Variants in TNRC6C observed in about 807,000 individuals in gnomAD.
TNRC6C encodes trinucleotide repeat-containing gene 6C protein.
In TNRC6C, 20 loss-of-function variants were observed where a neutral mutation model predicts 153.7. The observed-to-expected ratio is 0.13, with a 90% CI of 0.09 to 0.19. The LOEUF is 0.19. Among genes scored for constraint, TNRC6C ranks in the 10% least tolerant of loss-of-function variants. The probability of loss-of-function intolerance (pLI) is 1.00; values close to 1 mark genes in which losing one functional copy is unlikely to be tolerated. For missense variants in TNRC6C, 1,987 were observed against 2,172.0 expected (o/e 0.91, Z 1.69); for synonymous variants, 811 against 841.4 (o/e 0.96, Z 0.63).
At chr17:78,045,000 C>T (rs2072377478) in intron 2 of TNRC6C, among the ~76,000 whole-genome samples, 1 of 152,156 alleles carries the variant, frequency 6.6e-6, no homozygotes, top group Non-Finnish European at 1.5e-5. Flanking sequence ...GAGGGCAGGA[C>T]ACAGATGGCA....
At chr17:78,032,815 T>G (rs2072102152) in intron 2 of TNRC6C, among the ~76,000 whole-genome samples, 1 of 152,246 alleles carries the variant, frequency 6.6e-6, no homozygotes, top group South Asian at 2.1e-4. Flanking sequence ...ACTGTGACTT[T>G]GTAGTATAGT....
intron 2 of TNRC6C, among the ~76,000 whole-genome samples, chr17:78,037,868 T>C (rs2072210625): frequency 6.6e-6 from 1 of 152,142 alleles, no homozygotes; most frequent in African/African-American, 2.4e-5. Context: ...GCCAAGAGAC[T>C]GAAAAAGCAT....
chr17:77,978,140 A>T (rs11871957), intron 1 of TNRC6C, among the ~76,000 whole-genome samples: 47,582 of 151,652 alleles, frequency 0.31, 7,634 homozygotes, highest in East Asian at 0.41. Context: ...CTTGTGATCC[A>T]CCCGCCTCAG....
At chr17:77,962,815 T>C (rs918017042) in intron 1 of TNRC6C, among the ~76,000 whole-genome samples, 4 of 152,266 alleles carry the variant, frequency 2.6e-5, no homozygotes, top group African/African-American at 9.6e-5. Flanking sequence ...TTTTGAAGTG[T>C]TGGTGACACA....
At chr17:77,988,458 C>T (rs2143045918) in intron 1 of TNRC6C, among the ~76,000 whole-genome samples, 1 of 152,280 alleles carries the variant, frequency 6.6e-6, no homozygotes, top group South Asian at 2.1e-4. Context: ...CTTCATCTGC[C>T]CATCTGTGAA....
At position 78,049,220 on chromosome 17, in the gene TNRC6C, G is replaced by T. The variant is rs940630394; in HGVS notation, c.158G>T (p.Gly53Val). ...AATGGAAGTGCGGCCAGAGTGTGGG[G>T]TGTAGCCACAGGCTCCAGCTCTGGC... The change falls in exon 3 of 20, where the codon GGT (glycine) becomes GTT (valine). Residue 53 changes from glycine (G) to valine (V), a missense_variant. By Grantham distance (109) the Gly-to-Val change is moderately radical (BLOSUM62 -3). Coordinates refer to ENST00000301624, the Ensembl canonical transcript of TNRC6C. The surrounding 1 kb of genome is among the most constrained non-coding windows in gnomAD (Gnocchi z 4.1). 6.2e-7 allele frequency: 1 copy of T among 1,612,670 alleles called. No homozygotes were observed. Among genetic ancestry groups the T allele is most frequent in the African/African-American group, 1.3e-5 (1 of 75,050 alleles).
At chr17:77,972,969 G>A (rs1234427263) in intron 1 of TNRC6C, among the ~76,000 whole-genome samples, 2 of 152,178 alleles carry the variant, frequency 1.3e-5, no homozygotes, top group Non-Finnish European at 2.9e-5. Flanking sequence ...GCAATGGCAC[G>A]ATCTCGGCTC....
At chr17:78,004,119 T>C (rs1271294446), upstream of TNRC6C, 3 of 1,230,994 alleles carry the variant, frequency 2.4e-6, no homozygotes, top group South Asian at 1.2e-4. Flanking sequence ...TTTTCATTGT[T>C]TGACTTAACA....
At chr17:78,072,100 C>A (rs567627417) in intron 6 of TNRC6C, among the ~76,000 whole-genome samples, 1 of 152,348 alleles carries the variant, frequency 6.6e-6, no homozygotes, top group South Asian at 2.1e-4. Flanking sequence ...TCCAGAATGG[C>A]CTCCATGTAG....
At chr17:78,098,863 G>A (rs1460637231) in intron 17 of TNRC6C, among the ~76,000 whole-genome samples, 4 of 152,178 alleles carry the variant, frequency 2.6e-5, no homozygotes, top group African/African-American at 7.2e-5. Flanking sequence ...GGCCATCAGA[G>A]GCCTGCACAG....
rs144122581 is a variant in TNRC6C at position 78,082,297 on chromosome 17, G to A, written c.3358-750G>A. The stretch of plus-strand genomic sequence containing the variant: ...GTAGGTTAGTGAGGGATTTAGGGTC[G>A]TTTGATTATGAGGTGAGATGATCAC... On this transcript the variant is annotated intron_variant, in intron 10 of 19. Transcript: ENST00000301624. Among the ~76,000 whole-genome samples the A allele has an allele frequency of 9.5e-3, 1,433 of 151,456 alleles. 15 individuals carry two copies. Among genetic ancestry groups the A allele is most frequent in the South Asian group, 0.037 (175 of 4,772 alleles).
At chr17:78,027,620 AAGAT>A (rs1245278842) in intron 1 of TNRC6C, among the ~76,000 whole-genome samples, 1 of 152,190 alleles carries the variant, frequency 6.6e-6, no homozygotes, top group Non-Finnish European at 1.5e-5. Context: ...CAAAGTCCCT[AAGAT>A]AGGATCCAGA....
exon 3 of TNRC6C, chr17:78,051,259 G>T: frequency 6.4e-7 from 1 of 1,555,404 alleles, no homozygotes; most frequent in Non-Finnish European, 8.7e-7. Context: ...AGCTTGGGGG[G>T]ACCCAAGCAA....
At chr17:78,082,356 G>T (rs571379436) in intron 10 of TNRC6C, among the ~76,000 whole-genome samples, 1 of 152,006 alleles carries the variant, frequency 6.6e-6, no homozygotes, top group Non-Finnish European at 1.5e-5. Context: ...CATAACATCG[G>T]TATGCAGAAG....
Position 78,049,829 on chromosome 17 carries a change from C to T in TNRC6C, c.767C>T (p.Pro256Leu), listed in dbSNP as rs2072485707. The T allele has an allele frequency of 1.2e-6, 2 of 1,612,892 alleles. No individual in the cohort carries two copies. The highest frequency in any genetic ancestry group is 2.7e-5 in the African/African-American group (2 of 75,038). ...GTGTGGGGACTGTCCCCAGGTAACC[C>T]TGCCACAGGAAATAGCAATTCTGGG... is the stretch of plus-strand genomic sequence containing the variant. Residue 256 changes from proline (P) to leucine (L), a missense_variant, in exon 3 of 20, where the codon CCT (proline) becomes CTT (leucine). Physicochemically the swap from Pro to Leu is moderately conservative, Grantham distance 98. This residue lies in a region of TNRC6C where 1,052 missense variants were observed against 1,017.0 expected (regional missense o/e 1.03). Coordinates refer to ENST00000301624, the Ensembl canonical transcript of TNRC6C. The surrounding 1 kb of genome is among the most constrained non-coding windows in gnomAD (Gnocchi z 4.1).
chr17:77,995,555 A>G (rs1598660608), intron 1 of TNRC6C, among the ~76,000 whole-genome samples: 1 of 152,248 alleles, frequency 6.6e-6, no homozygotes, highest in Non-Finnish European at 1.5e-5. Context: ...CATTATGCTT[A>G]TCAGTGGTTA....
At chr17:77,984,620 C>T (rs1312708176) in intron 1 of TNRC6C, among the ~76,000 whole-genome samples, 1 of 152,194 alleles carries the variant, frequency 6.6e-6, no homozygotes, top group Non-Finnish European at 1.5e-5. Flanking sequence ...GCAGTGCTCA[C>T]CTCAGTGGTG....
At chr17:78,048,779 T>G (rs1430696549) in intron 2 of TNRC6C, 66 bp from the exon 5 acceptor site, 5 of 1,224,540 alleles carry the variant, frequency 4.1e-6, no homozygotes, top group Non-Finnish European at 5.1e-6. Flanking sequence ...CAAAGACTAG[T>G]TAACAGTTGA....
chr17:78,024,698 G>A (rs151316369), intron 1 of TNRC6C, among the ~76,000 whole-genome samples: 25 of 151,692 alleles, frequency 1.6e-4, no homozygotes, highest in African/African-American at 5.3e-4. Context: ...CAAAACAATC[G>A]AGCTGAAAGT....
Sources: allele counts gnomAD v4.1 joint callset (sites outside exome capture counted in the v4.1 genomes callset), GRCh38; gene constraint gnomAD v4.1.1; regional missense constraint gnomAD v4.1.1; non-coding constraint Gnocchi (gnomAD v3.1); transcripts MANE v1.5; gene names NCBI Gene and HGNC (gene_info 2026-07-23, HGNC 2026-07-21).